The following ABCA10 variants were observed in gnomAD, a reference collection of about 807,000 sequenced individuals.
ABCA10 encodes the protein ATP binding cassette subfamily A member 10.
In ABCA10, 169 loss-of-function variants were observed where a neutral mutation model predicts 187.5. That is an observed-to-expected ratio of 0.90 (90% CI 0.80 to 1.02). ABCA10 has a LOEUF of 1.02. Among genes scored for constraint, ABCA10 ranks in the 50% least tolerant of loss-of-function variants. The pLI, the probability that ABCA10 is intolerant of heterozygous loss-of-function variation, is 0.00. For synonymous variants in ABCA10, 574 were observed against 601.8 expected (o/e 0.95, Z 0.68); for missense variants, 1,727 against 1,812.4 (o/e 0.95, Z 0.86).
At chr17:69,204,304 G>A (rs141647485) in intron 9 of ABCA10, among the ~76,000 whole-genome samples, 1 of 152,228 alleles carries the variant, frequency 6.6e-6, no homozygotes, top group Non-Finnish European at 1.5e-5. Context: ...GTGACTATAT[G>A]GCTGGATAAC....
intron 19 of ABCA10, among the ~76,000 whole-genome samples, chr17:69,187,453 T>C (rs2074430723): frequency 6.6e-6 from 1 of 152,146 alleles, no homozygotes; most frequent in African/African-American, 2.4e-5. Context: ...TCCTGTCTCC[T>C]TGTGAGTCAA....
At position 69,209,140 on chromosome 17, in the gene ABCA10, G is replaced by T. The variant is rs2074615612; in HGVS notation, c.1006+5564C>A. Among the ~76,000 whole-genome samples, 3 of 152,290 alleles carry T rather than the reference G, an allele frequency of 2.0e-5. No homozygotes were observed. The South Asian group carries it at 6.2e-4, about 32-fold the overall frequency. On this transcript the variant is annotated intron_variant, in intron 9 of 38. Transcript: ENST00000690296. Reference sequence around the variant, plus strand: ...GCATACAGAAGTAGACAAGGTTTGGGATTTCAAGTTCCATTTTGCCTGTTT... The same window carrying T: ...GCATACAGAAGTAGACAAGGTTTGGTATTTCAAGTTCCATTTTGCCTGTTT...
At position 69,183,129 on chromosome 17, in the gene ABCA10, A is replaced by G. The variant is rs543592427; in HGVS notation, c.2498-321T>C. Among the ~76,000 whole-genome samples the G allele has an allele frequency of 7.9e-5, 12 of 152,324 alleles. No homozygotes were observed. The East Asian group carries it at 2.1e-3, about 27-fold the overall frequency. On this transcript the variant is annotated intron_variant, in intron 20 of 38. Coordinates refer to ENST00000690296, the MANE Select transcript of ABCA10 (RefSeq NM_001377321.1). The stretch of plus-strand genomic sequence containing the variant: ...AGAAAATTTGCTAGGAGTGACTTTT[A>G]TAAACTTTACCAGAACCCTGTAATA...
At chr17:69,210,999 G>A (rs1295349128) in intron 9 of ABCA10, among the ~76,000 whole-genome samples, 3 of 151,084 alleles carry the variant, frequency 2.0e-5, no homozygotes, top group Non-Finnish European at 2.9e-5. Flanking sequence ...CACAGATGTC[G>A]TGAGAAGGGA....
chr17:69,153,698 A>G, intron 32 of ABCA10, 133 bp downstream of exon 32: 1 of 1,440,786 alleles, frequency 6.9e-7, no homozygotes, highest in Non-Finnish European at 9.3e-7. Context: ...TTTGGTTCTT[A>G]TTCAGGTATT....
At chr17:69,189,890 C>A (rs1303617734) in intron 18 of ABCA10, among the ~76,000 whole-genome samples, 1 of 151,872 alleles carries the variant, frequency 6.6e-6, no homozygotes, top group Non-Finnish European at 1.5e-5. Context: ...TGTATAGTAG[C>A]CTCCTAAATT....
At chr17:69,218,284 ATTTAT>A (rs921855713) in intron 6 of ABCA10, among the ~76,000 whole-genome samples, 2 of 152,220 alleles carry the variant, frequency 1.3e-5, no homozygotes, top group Middle Eastern at 3.4e-3. Context: ...TTGTCATTAA[ATTTAT>A]TTTATTAATA....
Position 69,193,230 on chromosome 17 carries a change from GT to G in ABCA10, c.1659del (p.Glu553AspfsTer18). The G allele has an allele frequency of 6.2e-7, 1 of 1,613,602 alleles. No homozygotes were observed. The highest frequency in any genetic ancestry group is 8.5e-7 in the Non-Finnish European group (1 of 1,179,896). On this transcript the variant is annotated frameshift_variant, in exon 15 of 39. Transcript: ENST00000690296. LOFTEE classifies it high-confidence loss of function. Reference sequence around the variant, plus strand: ...GAAAAGGGATCCAATCCAGCAGTTGGTTCATCTAGCAGCAAAACCTACAGAG... The same window carrying G: ...GAAAAGGGATCCAATCCAGCAGTTGGTCATCTAGCAGCAAAACCTACAGAG... ...LGDPQVLLLD[E>X]PTAGLDPFSR...
At position 69,183,899 on chromosome 17, in the gene ABCA10, C is replaced by G. The variant is rs185275934; in HGVS notation, c.2498-1091G>C. Among the ~76,000 whole-genome samples the G allele has an allele frequency of 1.6e-4, 24 of 152,228 alleles. No homozygotes were observed. The East Asian group carries it at 4.4e-3, about 28-fold the overall frequency. On this transcript the variant is annotated intron_variant, in intron 20 of 38. Transcript: ENST00000690296. ...TGATCAGGGAGTGCAGATTCAAGCA[C>G]AGAAGCCATGGCAGGGGGAAGGCAC...
chr17:69,224,910 ATATT>A (rs2074781195), intron 3 of ABCA10, among the ~76,000 whole-genome samples: 2 of 152,140 alleles, frequency 1.3e-5, no homozygotes, highest in African/African-American at 4.8e-5. Flanking sequence ...ACTGGGAACT[ATATT>A]TATTTCAATC....
At chr17:69,177,108 C>A (rs569723363) in intron 22 of ABCA10, among the ~76,000 whole-genome samples, 18 of 152,126 alleles carry the variant, frequency 1.2e-4, no homozygotes, top group Non-Finnish European at 2.1e-4. Flanking sequence ...TTAAAATATT[C>A]TACAGAAAGT....
intron 27 of ABCA10, among the ~76,000 whole-genome samples, chr17:69,162,806 C>A: frequency 2.5e-5 from 1 of 39,326 alleles, no homozygotes; most frequent in African/African-American, 1.2e-4. Flanking sequence ...GAAAAAATTA[C>A]ATATATACAT....
At chr17:69,191,032 A>T (rs1450384852) in intron 17 of ABCA10, 144 bp downstream of exon 17, 1 of 859,156 alleles carries the variant, frequency 1.2e-6, no homozygotes, top group Non-Finnish European at 1.6e-6. Context: ...ATAGATCATC[A>T]TATTGGAAAT....
chr17:69,210,832 C>CATATATATATAT lies in ABCA10; in HGVS notation c.1006+3871_1006+3872insATATATATATAT, dbSNP rs772184501. On this transcript the variant is annotated intron_variant, in intron 9 of 38. Transcript: ENST00000690296. ...CATATATATACATATATATATATGCCACATATTTATGCCACATATATATAT... is the reference window on the plus strand; with the variant it reads ...CATATATATACATATATATATATGCCATATATATATATACATATTTATGCCACATATATATAT... 7.9e-5 allele frequency among the ~76,000 whole-genome samples: 10 copies of CATATATATATAT among 126,648 alleles called. 2 individuals carry two copies. The highest frequency in any genetic ancestry group is 3.8e-4 in the African/African-American group (9 of 23,440). 83.1% of individuals were successfully genotyped at this position (126,648 alleles called of 152,430 possible). A position where few individuals can be genotyped will look rare whatever the true frequency, so the allele number is the denominator to read the frequency against.
chr17:69,148,206 G>C lies in ABCA10; in HGVS notation c.*621C>G, dbSNP rs1167363473. 5 of 152,132 alleles carry C rather than the reference G, an allele frequency of 3.3e-5. No individual in the cohort carries two copies. The highest frequency in any genetic ancestry group is 1.2e-4 in the African/African-American group (5 of 41,412). The allele number at this position is 152,132 out of a possible 1,614,324, so 9.4% of individuals were successfully genotyped here. A position where few individuals can be genotyped will look rare whatever the true frequency, so the allele number is the denominator to read the frequency against. ...GACTATGCCTACTGATACTACCTTTGAAAAAGGATCCATAAAAAATACATT... is the reference window on the plus strand; with the variant it reads ...GACTATGCCTACTGATACTACCTTTCAAAAAGGATCCATAAAAAATACATT... On this transcript the variant is annotated 3_prime_UTR_variant, in exon 39 of 39. Transcript: ENST00000690296.
intron 37 of ABCA10, among the ~76,000 whole-genome samples, 167 bp downstream of exon 37, chr17:69,149,817 T>A (rs962152500): frequency 8.5e-5 from 13 of 152,136 alleles, no homozygotes; most frequent in African/African-American, 2.7e-4. Flanking sequence ...AACCAACATC[T>A]AGGACCATGA....
At chr17:69,216,578 A>C (rs535945978) in intron 6 of ABCA10, among the ~76,000 whole-genome samples, 6 of 152,322 alleles carry the variant, frequency 3.9e-5, no homozygotes, top group Admixed American at 3.9e-4. Context: ...GGTTGTTCTG[A>C]GAAATAAATG....
In ABCA10 at chr17:69,174,705, C is replaced by G. The variant is rs750792766; in HGVS notation, c.2950G>C (p.Asp984His). Residue 984 changes from aspartate (D) to histidine (H), a missense_variant, in exon 24 of 39, where the codon GAC (aspartate) becomes CAC (histidine). Transcript: ENST00000690296. ...SAYWCGQALV[D>H]IPLYFLILFS... ...AGAATCAAGAAGTATAATGGAATGTCCACCAGAGCCTGTCCACACCAGTAT... is the reference window on the plus strand; with the variant it reads ...AGAATCAAGAAGTATAATGGAATGTGCACCAGAGCCTGTCCACACCAGTAT... 6.2e-7 allele frequency: 1 copy of G among 1,612,428 alleles called. No individual in the cohort carries two copies. Among genetic ancestry groups the G allele is most frequent in the Admixed American group, 1.7e-5 (1 of 59,888 alleles).
At position 69,182,222 on chromosome 17, in the gene ABCA10, AACAATTC is replaced by A; in HGVS notation, c.2693_2699del (p.Gly898ValfsTer27). On this transcript the variant is annotated frameshift_variant, in exon 22 of 39. Transcript: ENST00000690296. LOFTEE classifies it high-confidence loss of function. The stretch of plus-strand genomic sequence containing the variant: ...TAAAAATTCCCATAAGGGCATTGCT[AACAATTC>A]CCATAAGAACAGGAAAACAATTCAA... The A allele has an allele frequency of 6.2e-7, 1 of 1,602,686 alleles. No individual in the cohort carries two copies.
Sources: allele counts gnomAD v4.1 joint callset (sites outside exome capture counted in the v4.1 genomes callset), GRCh38; gene constraint gnomAD v4.1.1; transcripts MANE v1.5; gene names NCBI Gene and HGNC (gene_info 2026-07-23, HGNC 2026-07-21).